KLB: variants seen among roughly 807,000 people sequenced by gnomAD.
KLB encodes the protein beta-klotho.
A neutral mutation model predicts 88.4 loss-of-function variants in KLB; 44 were observed. That is an observed-to-expected ratio of 0.50 (90% confidence interval 0.39 to 0.64). The LOEUF is 0.64. KLB is among the 30% of genes least tolerant of loss of function. The probability of loss-of-function intolerance (pLI) is 0.00; values close to 1 mark genes in which losing one functional copy is unlikely to be tolerated. For missense variants in KLB, 1,137 were observed against 1,304.8 expected (o/e 0.87, Z 1.98); for synonymous variants, 548 against 513.4 (o/e 1.07, Z -0.91).
At chr4:39,430,568 A>G (rs908681557) in intron 1 of KLB, among the ~76,000 whole-genome samples, 4 of 149,724 alleles carry the variant, frequency 2.7e-5, no homozygotes, top group African/African-American at 9.9e-5. Context: ...AAGAGGCTAC[A>G]TTCTGAATAC....
intron 1 of KLB, among the ~76,000 whole-genome samples, chr4:39,433,474 G>A (rs1743405244): frequency 6.6e-6 from 1 of 152,126 alleles, no homozygotes; most frequent in African/African-American, 2.4e-5. Context: ...TAGGAGGTGG[G>A]CTCTATTATT....
At chr4:39,413,121 C>G (rs370636221) in intron 1 of KLB, among the ~76,000 whole-genome samples, 1 of 152,244 alleles carries the variant, frequency 6.6e-6, no homozygotes, top group South Asian at 2.1e-4. Context: ...ATTTCTTCCT[C>G]GGGTTGTGTC....
At chr4:39,419,474 C>T (rs970088488) in intron 1 of KLB, among the ~76,000 whole-genome samples, 10 of 152,058 alleles carry the variant, frequency 6.6e-5, no homozygotes, top group Non-Finnish European at 1.0e-4. Context: ...ACTCAACATT[C>T]GAAAACAGCC....
intron 1 of KLB, among the ~76,000 whole-genome samples, chr4:39,418,994 C>CTATTAT (rs549128087): frequency 6.8e-6 from 1 of 146,714 alleles, no homozygotes; most frequent in East Asian, 2.0e-4. Flanking sequence ...TACATTAAAA[C>CTATTAT]TATTATTATT....
At chr4:39,441,799 T>G (rs971524507) in intron 3 of KLB, 15 of 150,112 alleles carry the variant, frequency 1.0e-4, no homozygotes, top group African/African-American at 3.2e-4. Flanking sequence ...AATAAATAAA[T>G]AAATAAATAA....
intron 2 of KLB, among the ~76,000 whole-genome samples, chr4:39,437,441 C>T (rs879897871): frequency 5.3e-5 from 8 of 152,208 alleles, no homozygotes; most frequent in Non-Finnish European, 1.2e-4. Flanking sequence ...TGCCCTCTGA[C>T]ACAGATTTGC....
At chr4:39,438,118 A>G in intron 3 of KLB, 123 bp downstream of exon 3, 1 of 906,812 alleles carries the variant, frequency 1.1e-6, no homozygotes, top group East Asian at 2.5e-5. Flanking sequence ...TATGGAGGTT[A>G]TGAAGGAGAG....
At chr4:39,443,027 C>T (rs902496935) in intron 3 of KLB, among the ~76,000 whole-genome samples, 3 of 152,058 alleles carry the variant, frequency 2.0e-5, no homozygotes, top group African/African-American at 2.4e-5. Context: ...ATGGCATTGA[C>T]GTGTTTGAAG....
intron 1 of KLB, among the ~76,000 whole-genome samples, chr4:39,417,329 TTTGA>T (rs1742986546): frequency 6.6e-6 from 1 of 152,128 alleles, no homozygotes. Flanking sequence ...TGTTTGTTTG[TTTGA>T]GACGGAGTTT....
rs1243987347 is a variant in KLB at position 39,438,101 on chromosome 4, A to G, written c.1605+106A>G. On this transcript the variant is annotated intron_variant, in intron 3 of 4. Coordinates refer to ENST00000257408, the MANE Select transcript of KLB (RefSeq NM_175737.4). Reference sequence around the variant, plus strand: ...TAGCTGTCAGACAATATCAAATACCACAATTGTATGGAGGTTATGAAGGAG... The same window carrying G: ...TAGCTGTCAGACAATATCAAATACCGCAATTGTATGGAGGTTATGAAGGAG... 4 of 1,004,316 alleles carry G rather than the reference A, an allele frequency of 4.0e-6. No homozygotes were observed. The Admixed American group carries it at 1.0e-4, about 26-fold the overall frequency. The allele number at this position is 1,004,316 out of a possible 1,614,324, so 62.2% of individuals were successfully genotyped here. A position where few individuals can be genotyped will look rare whatever the true frequency, so the allele number is the denominator to read the frequency against.
At chr4:39,424,207 A>G (rs1197773860) in intron 1 of KLB, among the ~76,000 whole-genome samples, 2 of 151,514 alleles carry the variant, frequency 1.3e-5, no homozygotes, top group African/African-American at 2.4e-5. Flanking sequence ...AGTAGCTGGG[A>G]TTACAGGTGC....
At chr4:39,421,993 C>T (rs530388668) in intron 1 of KLB, among the ~76,000 whole-genome samples, 5 of 152,064 alleles carry the variant, frequency 3.3e-5, no homozygotes, top group African/African-American at 1.2e-4. Context: ...TGATCCACCC[C>T]CTTCGGCCTC....
chr4:39,425,535 G>A (rs1743187037), intron 1 of KLB, among the ~76,000 whole-genome samples: 1 of 152,130 alleles, frequency 6.6e-6, no homozygotes, highest in Admixed American at 6.6e-5. Flanking sequence ...TGACCTGCTG[G>A]ACTCAAGTGA....
chr4:39,408,563 TG>T (rs1742775683), intron 1 of KLB, among the ~76,000 whole-genome samples: 1 of 152,224 alleles, frequency 6.6e-6, no homozygotes, highest in South Asian at 2.1e-4. Context: ...AACAGCCTTT[TG>T]AACTAGTTTT....
intron 1 of KLB, among the ~76,000 whole-genome samples, chr4:39,417,836 T>C (rs1742996388): frequency 6.6e-6 from 1 of 152,180 alleles, no homozygotes; most frequent in South Asian, 2.1e-4. Context: ...AAACTCAACT[T>C]ACAATTGATG....
Position 39,448,667 on chromosome 4 carries a change from G to T in KLB, c.3116G>T (p.Gly1039Val). 6.2e-7 allele frequency: 1 copy of T among 1,609,848 alleles called. No individual in the cohort carries two copies. The highest frequency in any genetic ancestry group is 8.5e-7 in the Non-Finnish European group (1 of 1,179,562). Residue 1039 changes from glycine (G) to valine (V), a missense_variant, in exon 5 of 5, where the codon GGC (glycine) becomes GTC (valine). Physicochemically the swap from Gly to Val is moderately radical, Grantham distance 109. Transcript: ENST00000257408. ...KNLQHIPLKKGKRVVS is the reference protein window; with the variant it reads ...KNLQHIPLKKVKRVVS ...TTACAACACATACCATTAAAGAAAG[G>T]CAAGAGAGTTGTTAGCTAAACTGAT...
chr4:39,451,520 T>A lies in KLB; in HGVS notation c.*2834T>A, dbSNP rs1743900087. 1 of 152,252 alleles carries A rather than the reference T, an allele frequency of 6.6e-6. No individual in the cohort carries two copies. The highest frequency in any genetic ancestry group is 2.4e-5 in the African/African-American group (1 of 41,476). The allele number at this position is 152,252 out of a possible 1,614,324, so 9.4% of individuals were successfully genotyped here. On this transcript the variant is annotated 3_prime_UTR_variant, in exon 5 of 5. Transcript: ENST00000257408. ...AAATAAACTGGTTCATGCTGACCAC[T>A]TGTATTCAACTAACAACCTGGTCAA...
Position 39,407,590 on chromosome 4 carries a change from T to A in KLB, c.641T>A (p.Ile214Lys). 1 of 1,614,152 alleles carries A rather than the reference T, an allele frequency of 6.2e-7. No individual in the cohort carries two copies. The highest frequency in any genetic ancestry group is 8.5e-7 in the Non-Finnish European group (1 of 1,179,982). The change falls in exon 1 of 5, where the codon ATA (isoleucine) becomes AAA (lysine). Residue 214 changes from isoleucine to lysine, a missense_variant. Around this residue, in one of 4 missense-constraint regions of KLB, gnomAD observed 597 missense variants for 765.2 expected, o/e 0.78. Transcript: ENST00000257408. ...EKYGGWKNDTIIDIFNDYATY... is the reference protein window; with the variant it reads ...EKYGGWKNDTKIDIFNDYATY... ...TATGGGGGGTGGAAAAATGATACCATAATAGATATCTTCAATGACTATGCC... is the reference window on the plus strand; with the variant it reads ...TATGGGGGGTGGAAAAATGATACCAAAATAGATATCTTCAATGACTATGCC...
chr4:39,422,596 T>C (rs977914354), intron 1 of KLB, among the ~76,000 whole-genome samples: 3 of 152,220 alleles, frequency 2.0e-5, no homozygotes, highest in African/African-American at 7.2e-5. Context: ...GTGTTAGCTC[T>C]TATTAATATT....
Sources: allele counts gnomAD v4.1 joint callset (sites outside exome capture counted in the v4.1 genomes callset), GRCh38; gene constraint gnomAD v4.1.1; regional missense constraint gnomAD v4.1.1; transcripts MANE v1.5; gene names NCBI Gene and HGNC (gene_info 2026-07-23, HGNC 2026-07-21).